The following NOMO3 variants were observed in gnomAD, a reference collection of about 807,000 sequenced individuals.
NOMO3 encodes BOS complex subunit NOMO3.
A neutral mutation model predicts 69.9 loss-of-function variants in NOMO3; 15 were observed. The ratio of observed to expected loss-of-function variants is 0.21; its 90% CI spans 0.14 to 0.33. The LOEUF (loss-of-function observed/expected upper bound fraction) is 0.33, where lower values mean the gene tolerates loss of function less well. Ranked by LOEUF, NOMO3 falls within the 10% of genes least tolerant of loss-of-function variation. The probability of loss-of-function intolerance (pLI) is 1.00; values close to 1 mark genes in which losing one functional copy is unlikely to be tolerated. For missense variants in NOMO3, 218 were observed against 761.0 expected, an observed-to-expected ratio of 0.29 and a Z score of 8.39; for synonymous variants, 89 against 301.9, an observed-to-expected ratio of 0.29 and a Z score of 7.31.
intron 5 of NOMO3, 115 bp downstream of exon 5, chr16:16,245,289 C>T: frequency 1.3e-6 from 2 of 1,534,888 alleles, no homozygotes; most frequent in Admixed American, 1.8e-5. Flanking sequence ...CTGATTCAGC[C>T]TCTTAAGTTT....
rs917348602 is a variant in NOMO3, at chr16:16,243,858, A to G, written c.402+597A>G. On this transcript the variant is annotated intron_variant, in intron 4 of 30. Transcript: ENST00000399336. ...GTTTATGTCAGGGATGGCCTTTTAC[A>G]GGGATGCCGAATTGGAAGGACACAC... 8.4e-5 allele frequency among the ~76,000 whole-genome samples: 12 copies of G among 143,696 alleles called. 1 individual carries two copies. The highest frequency in any genetic ancestry group is 4.5e-5 in the Non-Finnish European group (3 of 67,402). 94.3% of individuals were successfully genotyped at this position (143,696 alleles called of 152,430 possible).
intron 16 of NOMO3, among the ~76,000 whole-genome samples, chr16:16,268,248 G>A (rs192634612): frequency 2.8e-5 from 4 of 144,800 alleles, no homozygotes; most frequent in Non-Finnish European, 4.4e-5. Context: ...TTCTTGTTTC[G>A]ATACCTAGGA....
At chr16:16,245,459 T>C (rs1342599893) in intron 5 of NOMO3, among the ~76,000 whole-genome samples, 1 of 144,226 alleles carries the variant, frequency 6.9e-6, no homozygotes, top group Non-Finnish European at 1.5e-5. Context: ...GAGGCCAGTA[T>C]GGGAGGATCA....
intron 15 of NOMO3, among the ~76,000 whole-genome samples, chr16:16,265,644 A>G (rs2049607728): frequency 4.1e-5 from 1 of 24,574 alleles, no homozygotes; most frequent in Non-Finnish European, 7.6e-5. Context: ...TCTGATATAT[A>G]TATATATATA....
rs2856538 is a variant in NOMO3, at chr16:16,249,238, G to A, written c.583-1690G>A. Reference sequence around the variant, plus strand: ...ACCTAGATGTCTCTTCTTACTGTTTGTGACTTTTGGTTTTGGGGGTTTTTC... The same window carrying A: ...ACCTAGATGTCTCTTCTTACTGTTTATGACTTTTGGTTTTGGGGGTTTTTC... On this transcript the variant is annotated intron_variant, in intron 6 of 30. Transcript: ENST00000399336. 2.9e-3 allele frequency among the ~76,000 whole-genome samples: 417 copies of A among 144,992 alleles called. 33 individuals are homozygous for A. Among genetic ancestry groups the A allele is most frequent in the African/African-American group, 0.011 (396 of 36,314 alleles).
chr16:16,243,030 T>C, intron 3 of NOMO3, 131 bp from the exon 4 acceptor site: 1 of 1,331,916 alleles, frequency 7.5e-7, no homozygotes, highest in Non-Finnish European at 1.0e-6. Flanking sequence ...ACACAACGAG[T>C]GTATTAAGTG....
rs140835370 is a variant in NOMO3, at chr16:16,234,863, A to C, written c.165+2032A>C. On this transcript the variant is annotated intron_variant, in intron 1 of 30. Coordinates refer to ENST00000399336, the MANE Select transcript of NOMO3 (RefSeq NM_001004067.4). ...ACTGGTTGCTAATACTTTAACAATC[A>C]GCAGGTTTCACATTAAAAACTGGGT... 6.2e-3 allele frequency among the ~76,000 whole-genome samples: 947 copies of C among 152,208 alleles called. 20 individuals carry two copies. The highest frequency in any genetic ancestry group is 0.055 in the East Asian group (283 of 5,164).
chr16:16,268,634 A>C (rs1384634897), intron 16 of NOMO3, among the ~76,000 whole-genome samples: 1 of 142,414 alleles, frequency 7.0e-6, no homozygotes, highest in Non-Finnish European at 1.5e-5. Flanking sequence ...CTTTGGCTAC[A>C]TGTAACAAAA....
intron 11 of NOMO3, 124 bp from the exon 12 acceptor site, chr16:16,261,378 T>G (rs2049564187): frequency 1.4e-6 from 2 of 1,421,666 alleles, no homozygotes; most frequent in Non-Finnish European, 1.9e-6. Context: ...TTCTGTCTCT[T>G]CATTAAGATT....
chr16:16,266,481 G>C (rs2049620634), intron 15 of NOMO3: 1 of 202,548 alleles, frequency 4.9e-6, no homozygotes, highest in South Asian at 5.4e-5. Flanking sequence ...GTGGTCCTCT[G>C]CAGTCCCACA....
intron 2 of NOMO3, among the ~76,000 whole-genome samples, chr16:16,237,577 C>T (rs1188275411): frequency 7.1e-6 from 1 of 140,388 alleles, no homozygotes; most frequent in Non-Finnish European, 1.5e-5. Flanking sequence ...GAGTTGGAGT[C>T]TCGCTCTGTC....
At chr16:16,235,155 C>T (rs1596795909) in intron 1 of NOMO3, among the ~76,000 whole-genome samples, 2 of 151,318 alleles carry the variant, frequency 1.3e-5, no homozygotes, top group South Asian at 2.1e-4. Flanking sequence ...ACTTTACATA[C>T]AGGCTTAACC....
chr16:16,244,210 T>C (rs2049397973), intron 4 of NOMO3, among the ~76,000 whole-genome samples: 1 of 142,418 alleles, frequency 7.0e-6, no homozygotes, highest in Non-Finnish European at 1.5e-5. Context: ...GGCCCTTCCA[T>C]CCCAGCTGTA....
rs552860700 is a variant in NOMO3, at chr16:16,244,120, C to A, written c.402+859C>A. Among the ~76,000 whole-genome samples the A allele has an allele frequency of 3.9e-4, 55 of 142,674 alleles. 3 individuals carry two copies. Among genetic ancestry groups the A allele is most frequent in the Middle Eastern group, 3.5e-3 (1 of 288 alleles). 93.6% of individuals were successfully genotyped at this position (142,674 alleles called of 152,430 possible). A position where few individuals can be genotyped will look rare whatever the true frequency, so the allele number is the denominator to read the frequency against. On this transcript the variant is annotated intron_variant, in intron 4 of 30. Transcript: ENST00000399336. ...TTCTCCTCCACCCGCCCTGTGCCTGCGGTTGAGATGTGCTTCCTTCCTTCC... is the reference window on the plus strand; with the variant it reads ...TTCTCCTCCACCCGCCCTGTGCCTGAGGTTGAGATGTGCTTCCTTCCTTCC...
intron 14 of NOMO3, among the ~76,000 whole-genome samples, chr16:16,264,697 A>G (rs2049593509): frequency 7.3e-6 from 1 of 137,790 alleles, no homozygotes; most frequent in Admixed American, 7.1e-5. Flanking sequence ...ACAGGCATGC[A>G]CCACCATGCC....
At chr16:16,252,856 C>T (rs201348613) in intron 9 of NOMO3, among the ~76,000 whole-genome samples, 7 of 119,094 alleles carry the variant, frequency 5.9e-5, no homozygotes, top group African/African-American at 8.3e-5. Flanking sequence ...TTTTTTAAGA[C>T]AGGGTCTCAC....
chr16:16,252,239 G>A, intron 8 of NOMO3, 139 bp downstream of exon 8: 1 of 1,548,812 alleles, frequency 6.5e-7, no homozygotes, highest in Non-Finnish European at 8.7e-7. Context: ...ACTTACTTAA[G>A]ATGAGACACT....
rs552773009 is a variant in NOMO3, at chr16:16,239,296, G to A, written c.256-555G>A. 2.7e-3 allele frequency among the ~76,000 whole-genome samples: 382 copies of A among 143,334 alleles called. 28 individuals are homozygous for A. The highest frequency in any genetic ancestry group is 6.8e-3 in the Middle Eastern group (2 of 292). The allele number at this position is 143,334 out of a possible 152,430, so 94.0% of individuals were successfully genotyped here. A position where few individuals can be genotyped will look rare whatever the true frequency, so the allele number is the denominator to read the frequency against. Reference sequence around the variant, plus strand: ...CTCCTAAGTAGCTAAGACTGTAGGCGCCTGCCACCACACCCAGCTAATTTT... The same window carrying A: ...CTCCTAAGTAGCTAAGACTGTAGGCACCTGCCACCACACCCAGCTAATTTT... On this transcript the variant is annotated intron_variant, in intron 2 of 30. Coordinates refer to ENST00000399336, the MANE Select transcript of NOMO3 (RefSeq NM_001004067.4).
At position 16,263,638 on chromosome 16, in the gene NOMO3, T is replaced by C; in HGVS notation, c.1663T>C (p.Tyr555His). ...FTFDNVLPGK[Y>H]KISIMHEDWC... Reference sequence around the variant, plus strand: ...CTTTGACAACGTGCTCCCTGGAAAATACAAAAGTAAGAATTGGAATGCAAC... The same window carrying C: ...CTTTGACAACGTGCTCCCTGGAAAACACAAAAGTAAGAATTGGAATGCAAC... The change falls in exon 14 of 31, where the codon TAC becomes CAC. Residue 555 changes from tyrosine to histidine, a missense_variant. Tyr to His is a moderately conservative substitution (Grantham distance 83, BLOSUM62 2). Transcript: ENST00000399336. 1 of 631,300 alleles carries C rather than the reference T, an allele frequency of 1.6e-6. No homozygotes were observed. The highest frequency in any genetic ancestry group is 2.5e-6 in the Non-Finnish European group (1 of 392,786). 39.1% of individuals were successfully genotyped at this position (631,300 alleles called of 1,614,324 possible).
Sources: gnomAD v4.1 joint callset for allele counts (sites outside exome capture counted in the v4.1 genomes callset) on GRCh38, gnomAD v4.1.1 for gene constraint, MANE v1.5 for transcripts, NCBI Gene and HGNC (gene_info 2026-07-23, HGNC 2026-07-21) for gene names.